ERC2: variants seen among roughly 807,000 people sequenced by gnomAD.
ERC2 encodes ERC protein 2.
Under a neutral mutation model 114.8 loss-of-function variants are expected in ERC2, and 42 were observed. That is an observed-to-expected ratio of 0.37 (90% CI 0.29 to 0.47). The LOEUF is 0.47. Ranked by LOEUF, ERC2 falls within the 20% of genes least tolerant of loss-of-function variation. The pLI, the probability that ERC2 is intolerant of heterozygous loss-of-function variation, is 0.99. For synonymous variants in ERC2, 454 were observed against 425.5 expected, an observed-to-expected ratio of 1.07 and a Z score of -0.82; for missense variants, 939 against 1,150.7, an observed-to-expected ratio of 0.82 and a Z score of 2.66.
chr3:56,374,273 A>C (rs1454145029), intron 2 of ERC2, among the ~76,000 whole-genome samples: 1 of 151,886 alleles, frequency 6.6e-6, no homozygotes, highest in Non-Finnish European at 1.5e-5. Context: ...ATTTTTTTGT[A>C]TTTTTAGTAG....
At chr3:56,135,898 G>C (rs147512205) in intron 6 of ERC2, among the ~76,000 whole-genome samples, 75 of 152,194 alleles carry the variant, frequency 4.9e-4, no homozygotes, top group Middle Eastern at 3.4e-3. Context: ...TGGTGGATGG[G>C]GTAAGTTGGT....
At chr3:56,148,823 T>C (rs1234387776) in intron 5 of ERC2, among the ~76,000 whole-genome samples, 154 bp downstream of exon 5, 2 of 152,194 alleles carry the variant, frequency 1.3e-5, no homozygotes, top group Non-Finnish European at 2.9e-5. Flanking sequence ...TCTATATGTC[T>C]GAACTAAAAA....
chr3:56,303,880 G>A (rs2056059308), intron 2 of ERC2, among the ~76,000 whole-genome samples: 1 of 152,188 alleles, frequency 6.6e-6, no homozygotes, highest in African/African-American at 2.4e-5. Context: ...CGATTAGGCA[G>A]AGAACAAAAG....
chr3:55,777,935 A>G (rs1294485030), intron 14 of ERC2, among the ~76,000 whole-genome samples: 1 of 152,130 alleles, frequency 6.6e-6, no homozygotes, highest in Non-Finnish European at 1.5e-5. Flanking sequence ...TAGGTTTTTT[A>G]TTTTCTAAAG....
At chr3:55,865,794 TTTA>T (rs1402897749) in intron 14 of ERC2, among the ~76,000 whole-genome samples, 1 of 152,202 alleles carries the variant, frequency 6.6e-6, no homozygotes, top group East Asian at 1.9e-4. Context: ...TTCATTTCTT[TTTA>T]TTATCAAGTA....
intron 17 of ERC2, among the ~76,000 whole-genome samples, chr3:55,602,476 A>G (rs1386041370): frequency 6.6e-6 from 1 of 152,184 alleles, no homozygotes; most frequent in African/African-American, 2.4e-5. Flanking sequence ...AACAACCAAA[A>G]ACAGGTACCA....
At chr3:55,668,915 A>G (rs938279307) in intron 17 of ERC2, among the ~76,000 whole-genome samples, 1 of 152,204 alleles carries the variant, frequency 6.6e-6, no homozygotes, top group Admixed American at 6.5e-5. Context: ...CAGGTACTCA[A>G]TAAATATTTA....
At chr3:55,888,265 A>T in intron 14 of ERC2, 124 bp downstream of exon 14, 1 of 1,133,452 alleles carries the variant, frequency 8.8e-7, no homozygotes, top group Non-Finnish European at 1.3e-6. Context: ...AGAAATGACC[A>T]GGCAAGTGTG....
At chr3:56,383,611 A>G (rs976316338) in intron 2 of ERC2, among the ~76,000 whole-genome samples, 3 of 152,232 alleles carry the variant, frequency 2.0e-5, no homozygotes, top group African/African-American at 7.2e-5. Flanking sequence ...GAAAAGCATC[A>G]AATCACATCT....
At chr3:56,223,152 C>A (rs1458407766) in intron 3 of ERC2, among the ~76,000 whole-genome samples, 1 of 152,232 alleles carries the variant, frequency 6.6e-6, no homozygotes, top group Admixed American at 6.5e-5. Flanking sequence ...TCTGTGGAAT[C>A]TGGACTGTCC....
intron 2 of ERC2, among the ~76,000 whole-genome samples, chr3:56,429,499 T>C (rs566204100): frequency 1.0e-3 from 155 of 152,082 alleles, no homozygotes; most frequent in African/African-American, 3.5e-3. Context: ...TTTAAGAAAA[T>C]ATATCATGAA....
chr3:55,705,741 C>A (rs1329971839), intron 15 of ERC2, among the ~76,000 whole-genome samples: 1 of 152,182 alleles, frequency 6.6e-6, no homozygotes, highest in Non-Finnish European at 1.5e-5. Flanking sequence ...ACTGGTCGGA[C>A]TCTCCCTCCC....
At chr3:55,656,047 A>C (rs2060846192) in intron 17 of ERC2, among the ~76,000 whole-genome samples, 1 of 152,212 alleles carries the variant, frequency 6.6e-6, no homozygotes, top group Non-Finnish European at 1.5e-5. Flanking sequence ...TTCTGTCTGC[A>C]AAGCTGCTTG....
chr3:55,721,014 A>G (rs2064516643), intron 15 of ERC2, among the ~76,000 whole-genome samples: 1 of 152,232 alleles, frequency 6.6e-6, no homozygotes, highest in Non-Finnish European at 1.5e-5. Context: ...GCATCATACA[A>G]CTAGTGAGTG....
intron 3 of ERC2, among the ~76,000 whole-genome samples, chr3:56,252,757 CAAA>C (rs71099628): frequency 9.4e-5 from 7 of 74,160 alleles, no homozygotes; most frequent in African/African-American, 2.3e-4. Context: ...AACTCTGTCT[CAAA>C]AAAAAAAAAA....
At chr3:56,278,650 C>T (rs2150315385) in intron 3 of ERC2, among the ~76,000 whole-genome samples, 1 of 152,296 alleles carries the variant, frequency 6.6e-6, no homozygotes, top group East Asian at 1.9e-4. Context: ...GTTTATTTGG[C>T]TCACAGTTCT....
intron 17 of ERC2, among the ~76,000 whole-genome samples, chr3:55,518,733 A>T (rs769607619): frequency 2.6e-5 from 4 of 152,240 alleles, no homozygotes; most frequent in Non-Finnish European, 5.9e-5. Flanking sequence ...TAAAAATACA[A>T]TGATGTATGC....
At position 55,835,857 on chromosome 3, in the gene ERC2, T is replaced by C. The variant is rs888243484; in HGVS notation, c.2564+52532A>G. On this transcript the variant is annotated intron_variant, in intron 14 of 17. Coordinates refer to ENST00000288221, the MANE Select transcript of ERC2 (RefSeq NM_015576.3). ...ATGATTGTATATCTAGAAAACCCCA[T>C]TGTCTCAGCCCAAAATCTCCTTAAG... Among the ~76,000 whole-genome samples, 29 of 151,846 alleles carry C rather than the reference T, an allele frequency of 1.9e-4. No individual in the cohort carries two copies. The East Asian group carries it at 3.1e-3, about 16-fold the overall frequency.
chr3:56,062,010 A>G (rs776116824), intron 7 of ERC2, among the ~76,000 whole-genome samples: 2 of 152,154 alleles, frequency 1.3e-5, no homozygotes, highest in Non-Finnish European at 2.9e-5. Flanking sequence ...CATATTATAA[A>G]CCATAAATCT....
Sources: gnomAD v4.1 joint callset for allele counts (sites outside exome capture counted in the v4.1 genomes callset) on GRCh38, gnomAD v4.1.1 for gene constraint, MANE v1.5 for transcripts, NCBI Gene and HGNC (gene_info 2026-07-23, HGNC 2026-07-21) for gene names.